The following SPATA13 variants were observed in gnomAD, a reference collection of about 807,000 sequenced individuals.
SPATA13 encodes the protein spermatogenesis-associated protein 13.
SPATA13 carries 50 observed loss-of-function variants against 104.0 expected under a neutral mutation model. The ratio of observed to expected loss-of-function variants is 0.48; its 90% CI spans 0.38 to 0.61. The LOEUF is 0.61. Ranked by LOEUF, SPATA13 falls within the 20% of genes least tolerant of loss-of-function variation. The pLI is 0.00. For synonymous variants in SPATA13, 606 were observed against 667.5 expected, an observed-to-expected ratio of 0.91 and a Z score of 1.42; for missense variants, 1,524 against 1,690.6, an observed-to-expected ratio of 0.90 and a Z score of 1.73.
intron 8 of SPATA13, among the ~76,000 whole-genome samples, 166 bp downstream of exon 8, chr13:24,289,344 A>G (rs1876174394): frequency 6.6e-6 from 1 of 152,180 alleles, no homozygotes; most frequent in Admixed American, 6.5e-5. Context: ...TATAAACAAA[A>G]TCTGTATAGT....
intron 1 of SPATA13, among the ~76,000 whole-genome samples, chr13:24,181,612 T>A (rs1868812553): frequency 6.6e-6 from 1 of 152,144 alleles, no homozygotes; most frequent in African/African-American, 2.4e-5. Flanking sequence ...GCATCATCCA[T>A]ATCACTGTCT....
intron 10 of SPATA13, 85 bp downstream of exon 10, chr13:24,294,953 T>C (rs1211970201): frequency 2.1e-6 from 3 of 1,395,952 alleles, no homozygotes; most frequent in Non-Finnish European, 2.9e-6. Context: ...TAATATCCTG[T>C]GGTCAATATC....
intron 3 of SPATA13, among the ~76,000 whole-genome samples, chr13:24,043,653 T>A (rs969174451): frequency 4.9e-5 from 7 of 143,062 alleles, no homozygotes; most frequent in African/African-American, 1.2e-4. Context: ...AAATTGTATG[T>A]CTCTCGTAAC....
At chr13:24,118,878 T>C (rs948465863) in intron 3 of SPATA13, among the ~76,000 whole-genome samples, 1 of 151,572 alleles carries the variant, frequency 6.6e-6, no homozygotes, top group Non-Finnish European at 1.5e-5. Flanking sequence ...ATTCCAACTC[T>C]GTCAGGTAGA....
At chr13:24,235,713 C>T (rs950071602) in intron 2 of SPATA13, among the ~76,000 whole-genome samples, 4 of 152,220 alleles carry the variant, frequency 2.6e-5, no homozygotes, top group African/African-American at 7.2e-5. Flanking sequence ...GTTATGATTG[C>T]ACCACTTCAC....
At chr13:24,029,316 AG>A (rs1315281588) in intron 3 of SPATA13, among the ~76,000 whole-genome samples, 1 of 152,222 alleles carries the variant, frequency 6.6e-6, no homozygotes, top group African/African-American at 2.4e-5. Flanking sequence ...CAGATGCGTC[AG>A]GACAGTACAA....
intron 3 of SPATA13, among the ~76,000 whole-genome samples, chr13:24,103,389 G>A (rs1880318743): frequency 6.6e-6 from 1 of 151,196 alleles, no homozygotes; most frequent in African/African-American, 2.4e-5. Context: ...AGAGACTGAG[G>A]TGGGAGGATG....
Position 24,224,317 on chromosome 13 carries a change from C to A in SPATA13, c.1388C>A (p.Pro463His). Residue 463 changes from proline (P) to histidine (H), a missense_variant, in exon 2 of 13, where the codon CCT becomes CAT. Coordinates refer to ENST00000382108, the MANE Select transcript of SPATA13 (RefSeq NM_001166271.3). ...TTTGACCCTGAGCAGCCTCCCACCCCTCTAAGGCCCACCACACCCAAGCCC... is the reference window on the plus strand; with the variant it reads ...TTTGACCCTGAGCAGCCTCCCACCCATCTAAGGCCCACCACACCCAAGCCC... The part of the protein sequence containing the change: ...LTFDPEQPPT[P>H]LRPTTPKPQS... 6.4e-7 allele frequency: 1 copy of A among 1,551,786 alleles called. No homozygotes were observed. Among genetic ancestry groups the A allele is most frequent in the South Asian group, 1.2e-5 (1 of 84,066 alleles).
chr13:24,010,776 A>G (rs73443742), intron 2 of SPATA13, among the ~76,000 whole-genome samples: 9,843 of 152,018 alleles, frequency 0.065, 817 homozygotes, highest in African/African-American at 0.19. Flanking sequence ...TGTCTTGGCA[A>G]GCAAGGCAGG....
chr13:24,022,562 A>T (rs1036841859), intron 3 of SPATA13, among the ~76,000 whole-genome samples: 1 of 152,226 alleles, frequency 6.6e-6, no homozygotes, highest in Non-Finnish European at 1.5e-5. Context: ...AATGTACTTT[A>T]CTGAGCTGCA....
intron 2 of SPATA13, among the ~76,000 whole-genome samples, chr13:24,239,555 C>T (rs943559797): frequency 6.6e-5 from 10 of 151,406 alleles, no homozygotes; most frequent in African/African-American, 2.2e-4. Context: ...ATTAGCCAGG[C>T]GTGGTGGTGT....
At chr13:24,105,513 C>A (rs1880414587) in intron 3 of SPATA13, among the ~76,000 whole-genome samples, 1 of 151,360 alleles carries the variant, frequency 6.6e-6, no homozygotes, top group Non-Finnish European at 1.5e-5. Context: ...CAGCACCAAG[C>A]ACAATGAGAG....
At chr13:24,300,796 G>T (rs1252977761) in intron 12 of SPATA13, among the ~76,000 whole-genome samples, 1 of 152,148 alleles carries the variant, frequency 6.6e-6, no homozygotes, top group African/African-American at 2.4e-5. Context: ...ACAAGGTCAC[G>T]CACATCCCCA....
intron 3 of SPATA13, among the ~76,000 whole-genome samples, chr13:24,129,514 T>C (rs1441025969): frequency 2.0e-5 from 3 of 152,162 alleles, no homozygotes; most frequent in East Asian, 3.9e-4. Context: ...GACCGGAGGA[T>C]TGCTGGAGGC....
At chr13:24,124,439 G>A (rs576075815) in intron 3 of SPATA13, among the ~76,000 whole-genome samples, 7 of 152,182 alleles carry the variant, frequency 4.6e-5, no homozygotes, top group Non-Finnish European at 8.8e-5. Context: ...GAAGGACAAG[G>A]TGGATAGAAG....
intron 2 of SPATA13, among the ~76,000 whole-genome samples, chr13:24,000,103 AAACC>A (rs1313039755): frequency 1.3e-5 from 2 of 152,238 alleles, no homozygotes; most frequent in Non-Finnish European, 2.9e-5. Flanking sequence ...GTGAGGTAAG[AAACC>A]TAGTGGGAGG....
chr13:24,249,764 G>C lies in SPATA13; in HGVS notation c.1941G>C (p.Arg647Ser). 2 of 1,614,082 alleles carry C rather than the reference G, an allele frequency of 1.2e-6. 1 individual carries two copies. Among genetic ancestry groups the C allele is most frequent in the South Asian group, 2.2e-5 (2 of 91,086 alleles). The change falls in exon 3 of 13, where the codon AGG becomes AGC. Residue 647 changes from arginine (R) to serine (S), a missense_variant. This residue lies in a region of SPATA13 where 1,089 missense variants were observed against 1,135.9 expected (regional missense o/e 0.96). Coordinates refer to ENST00000382108, the MANE Select transcript of SPATA13 (RefSeq NM_001166271.3). ...GCTGCCCCAAAGGAGCCCGGAGAAG[G>C]CGCCCCATTTCCGTGATAGGTGGGG... ...PVGCPKGARR[R>S]RPISVIGGVS...
intron 2 of SPATA13, chr13:24,224,825 C>G (rs1301030656): frequency 1.7e-6 from 1 of 579,774 alleles, no homozygotes; most frequent in East Asian, 3.2e-5. Flanking sequence ...TTTGCCACAC[C>G]TTTCATTCAA....
chr13:24,120,900 G>A (rs1012939917), intron 3 of SPATA13, among the ~76,000 whole-genome samples: 10 of 152,208 alleles, frequency 6.6e-5, no homozygotes, highest in African/African-American at 1.7e-4. Flanking sequence ...CAGGTACTGC[G>A]CTGTCACGAA....
Sources: allele counts gnomAD v4.1 joint callset (sites outside exome capture counted in the v4.1 genomes callset), GRCh38; gene constraint gnomAD v4.1.1; regional missense constraint gnomAD v4.1.1; transcripts MANE v1.5; gene names NCBI Gene and HGNC (gene_info 2026-07-23, HGNC 2026-07-21).